The following LIMD1 variants were observed in gnomAD, a reference collection of about 807,000 sequenced individuals.
LIMD1 encodes the protein LIM domain-containing protein 1.
In LIMD1, 23 loss-of-function variants were observed where a neutral mutation model predicts 58.4. The ratio of observed to expected loss-of-function variants is 0.39; its 90% CI spans 0.28 to 0.56. The LOEUF (loss-of-function observed/expected upper bound fraction) is 0.56. Ranked by LOEUF, LIMD1 falls within the 20% of genes least tolerant of loss-of-function variation. The pLI is 0.57. For synonymous variants in LIMD1, 334 were observed against 345.5 expected, an observed-to-expected ratio of 0.97 and a Z score of 0.37; for missense variants, 838 against 855.5, an observed-to-expected ratio of 0.98 and a Z score of 0.25.
At chr3:45,671,306 C>T (rs937012446) in intron 4 of LIMD1, among the ~76,000 whole-genome samples, 20 of 152,230 alleles carry the variant, frequency 1.3e-4, no homozygotes, top group Non-Finnish European at 2.5e-4. Flanking sequence ...CCGCCTGAGG[C>T]TTCCAGGGGA....
chr3:45,610,455 G>A (rs182205878), intron 1 of LIMD1, among the ~76,000 whole-genome samples: 1 of 152,296 alleles, frequency 6.6e-6, no homozygotes, highest in African/African-American at 2.4e-5. Context: ...AAAGGGTTGG[G>A]ATACATGCTT....
intron 4 of LIMD1, among the ~76,000 whole-genome samples, chr3:45,670,089 A>G (rs1697570517): frequency 6.6e-6 from 1 of 151,858 alleles, no homozygotes; most frequent in Non-Finnish European, 1.5e-5. Flanking sequence ...CCCTTCCCCC[A>G]TGCTCGCAGT....
intron 2 of LIMD1, among the ~76,000 whole-genome samples, chr3:45,661,183 G>A (rs1697432408): frequency 6.6e-6 from 1 of 151,998 alleles, no homozygotes; most frequent in Non-Finnish European, 1.5e-5. Context: ...TTTGTTTCAG[G>A]TTATAAAAAT....
At position 45,677,414 on chromosome 3, in the gene LIMD1, T is replaced by A. The variant is rs1224827644; in HGVS notation, c.*355T>A. 5.0e-6 allele frequency: 1 copy of A among 201,236 alleles called. No individual in the cohort carries two copies. Among genetic ancestry groups the A allele is most frequent in the Non-Finnish European group, 1.0e-5 (1 of 97,664 alleles). 12.5% of individuals were successfully genotyped at this position (201,236 alleles called of 1,614,324 possible). ...AGGGAGAGGTTTTTATTGAGCTTGT[T>A]TCACAATATCCCCTTGAAGGGACAG... On this transcript the variant is annotated 3_prime_UTR_variant, in exon 8 of 8. Transcript: ENST00000273317.
At chr3:45,637,429 C>A (rs1400425424) in intron 2 of LIMD1, among the ~76,000 whole-genome samples, 4 of 152,104 alleles carry the variant, frequency 2.6e-5, no homozygotes, top group African/African-American at 9.7e-5. Context: ...TACAGATGTG[C>A]ACCAGCACGC....
chr3:45,663,313 G>A (rs559525968), intron 2 of LIMD1, among the ~76,000 whole-genome samples: 2 of 152,236 alleles, frequency 1.3e-5, no homozygotes, highest in East Asian at 3.9e-4. Flanking sequence ...TCTTCTCAAG[G>A]GGCAACCTTA....
chr3:45,657,567 C>T (rs1477554007), intron 2 of LIMD1, among the ~76,000 whole-genome samples: 2 of 151,418 alleles, frequency 1.3e-5, no homozygotes, highest in African/African-American at 4.8e-5. Flanking sequence ...AAAGGCCTGT[C>T]CCATTTCCTG....
chr3:45,614,500 A>T (rs1284644321), intron 1 of LIMD1, among the ~76,000 whole-genome samples: 1 of 150,668 alleles, frequency 6.6e-6, no homozygotes, highest in Non-Finnish European at 1.5e-5. Flanking sequence ...AGGCAGGGGG[A>T]TTGCTTGAGC....
chr3:45,627,823 C>T (rs894357063), intron 1 of LIMD1, among the ~76,000 whole-genome samples: 5 of 151,008 alleles, frequency 3.3e-5, no homozygotes, highest in African/African-American at 9.7e-5. Flanking sequence ...GCCTGGCCAA[C>T]ATGGCGAAAC....
chr3:45,664,615 C>T lies in LIMD1; in HGVS notation c.1511-1035C>T, dbSNP rs144555302. Reference sequence around the variant, plus strand: ...TACTTCCTTTTTTATGCCTTTTCCGCTGCGTTGATGCTTTCAGGGTCCTCT... The same window carrying T: ...TACTTCCTTTTTTATGCCTTTTCCGTTGCGTTGATGCTTTCAGGGTCCTCT... On this transcript the variant is annotated intron_variant, in intron 2 of 7. Coordinates refer to ENST00000273317, the MANE Select transcript of LIMD1 (RefSeq NM_014240.3). Among the ~76,000 whole-genome samples the T allele has an allele frequency of 1.1e-3, 171 of 152,312 alleles. 1 individual carries two copies. Among genetic ancestry groups the T allele is most frequent in the African/African-American group, 3.8e-3 (157 of 41,574 alleles).
chr3:45,662,278 T>A (rs2578664), intron 2 of LIMD1, among the ~76,000 whole-genome samples: 114 of 98,544 alleles, frequency 1.2e-3, no homozygotes, highest in Admixed American at 2.0e-3. Context: ...TTCACCTAAG[T>A]GTGTGTGTGT....
chr3:45,636,323 G>GAGA (rs544848250), intron 2 of LIMD1, 72 bp downstream of exon 2: 377,164 of 1,112,238 alleles, frequency 0.34, 69,029 homozygotes, highest in Non-Finnish European at 0.37. Flanking sequence ...AGGGAGGAGA[G>GAGA]AGATCATCTT....
At position 45,594,795 on chromosome 3, in the gene LIMD1, A is replaced by ACACACACACACACACACACAC. The variant is rs1559510546; in HGVS notation, c.-84_-64dup. The ACACACACACACACACACACAC allele has an allele frequency of 1.8e-3, 209 of 113,154 alleles. 2 individuals are homozygous for ACACACACACACACACACACAC. In the East Asian group the frequency reaches 0.056, roughly 30 times the overall value. 7.0% of individuals were successfully genotyped at this position (113,154 alleles called of 1,614,324 possible). On this transcript the variant is annotated 5_prime_UTR_variant, in exon 1 of 8. Coordinates refer to ENST00000273317, the MANE Select transcript of LIMD1 (RefSeq NM_014240.3). The stretch of plus-strand genomic sequence containing the variant: ...CTGCCCTCAACACACACACACACAC[A>ACACACACACACACACACACAC]CACACACACACACACACACACACAC...
chr3:45,599,422 G>A (rs1226090972), intron 1 of LIMD1, among the ~76,000 whole-genome samples: 1 of 152,100 alleles, frequency 6.6e-6, no homozygotes, highest in African/African-American at 2.4e-5. Context: ...AAACGGAATC[G>A]TGTATTTTAT....
chr3:45,677,252 A>C lies in LIMD1; in HGVS notation c.*193A>C. 1 of 564,378 alleles carries C rather than the reference A, an allele frequency of 1.8e-6. No individual in the cohort carries two copies. 35.0% of individuals were successfully genotyped at this position (564,378 alleles called of 1,614,324 possible). ...TACCTGCCTCCTGCGTGTATTTTCC[A>C]AGTGCTTTTCTCTGTTGCCACATTT... On this transcript the variant is annotated 3_prime_UTR_variant, in exon 8 of 8. Transcript: ENST00000273317.
intron 1 of LIMD1, among the ~76,000 whole-genome samples, chr3:45,610,063 G>A (rs994121723): frequency 6.6e-5 from 10 of 152,146 alleles, no homozygotes; most frequent in Admixed American, 2.0e-4. Context: ...ATGATGGCGC[G>A]CGCCTGTAAT....
At chr3:45,643,763 A>T (rs938490073) in intron 2 of LIMD1, among the ~76,000 whole-genome samples, 2 of 152,216 alleles carry the variant, frequency 1.3e-5, no homozygotes, top group Non-Finnish European at 2.9e-5. Flanking sequence ...CCCACAGTTG[A>T]CAGAAATTAC....
At position 45,595,437 on chromosome 3, in the gene LIMD1, A is replaced by G; in HGVS notation, c.558A>G (p.Ala186=). 1.2e-6 allele frequency: 2 copies of G among 1,613,994 alleles called. No homozygotes were observed. The highest frequency in any genetic ancestry group is 1.7e-4 in the Middle Eastern group (1 of 6,060). Residue 186 remains alanine, a synonymous_variant, in exon 1 of 8, where the codon GCA becomes GCG. Coordinates refer to ENST00000273317, the MANE Select transcript of LIMD1 (RefSeq NM_014240.3). ...HGDYYDNLSL[A]SPKWGDKPGV... ...ACTATTATGACAACCTCTCCTTGGC[A>G]AGCCCAAAGTGGGGTGACAAACCAG...
At chr3:45,635,620 A>G (rs1292884165) in intron 1 of LIMD1, among the ~76,000 whole-genome samples, 1 of 151,210 alleles carries the variant, frequency 6.6e-6, no homozygotes, top group Non-Finnish European at 1.5e-5. Context: ...TTGTCTGGCC[A>G]GGCATGGTGG....
Sources: allele counts gnomAD v4.1 joint callset (sites outside exome capture counted in the v4.1 genomes callset), GRCh38; gene constraint gnomAD v4.1.1; transcripts MANE v1.5; gene names NCBI Gene and HGNC (gene_info 2026-07-23, HGNC 2026-07-21).